ARNT2: variants seen among roughly 807,000 people sequenced by gnomAD.
The protein encoded by ARNT2 is ARNT protein 2.
Under a neutral mutation model 91.7 loss-of-function variants are expected in ARNT2, and 36 were observed. That is an observed-to-expected ratio of 0.39 (90% CI 0.30 to 0.52). ARNT2 has a LOEUF of 0.52. Among genes scored for constraint, ARNT2 ranks in the 20% least tolerant of loss-of-function variants. The probability of loss-of-function intolerance (pLI) is 0.72; values close to 1 mark genes in which losing one functional copy is unlikely to be tolerated. For synonymous variants in ARNT2, 365 were observed against 347.1 expected (o/e 1.05, Z -0.57); for missense variants, 775 against 939.3 (o/e 0.83, Z 2.29).
At chr15:80,469,227 A>G (rs142005811) in intron 3 of ARNT2, among the ~76,000 whole-genome samples, 12 of 152,208 alleles carry the variant, frequency 7.9e-5, no homozygotes, top group African/African-American at 2.9e-4. Context: ...ACATTCTACC[A>G]TCCCTTCTGC....
At position 80,591,121 on chromosome 15, in the gene ARNT2, G is replaced by A. The variant is rs977879932; in HGVS notation, c.1919-447G>A. Among the ~76,000 whole-genome samples the A allele has an allele frequency of 2.2e-4, 34 of 152,192 alleles. 1 individual carries two copies. Among genetic ancestry groups the A allele is most frequent in the Admixed American group, 2.1e-3 (32 of 15,280 alleles). On this transcript the variant is annotated intron_variant, in intron 17 of 18. Transcript: ENST00000303329. This position sits in a 1 kb window ranked among gnomAD's most constrained non-coding sequence, Gnocchi z 5.1. The stretch of plus-strand genomic sequence containing the variant: ...TCAAGAGCATTCGGTGGACCGAGAG[G>A]GAATCAGGAGCAGGGGCAGGTGTGT...
In ARNT2 at chr15:80,518,277, C is replaced by CTTTTTTTTTTTTTTTTTT. The variant is rs56726705; in HGVS notation, c.877+3877_877+3894dup. 1.8e-3 allele frequency among the ~76,000 whole-genome samples: 158 copies of CTTTTTTTTTTTTTTTTTT among 89,350 alleles called. 1 individual carries two copies. Among genetic ancestry groups the CTTTTTTTTTTTTTTTTTT allele is most frequent in the Non-Finnish European group, 2.1e-3 (103 of 49,866 alleles). 58.6% of individuals were successfully genotyped at this position (89,350 alleles called of 152,430 possible). The stretch of plus-strand genomic sequence containing the variant: ...CCGAAGAACTTTTTCTTTTTCTATT[C>CTTTTTTTTTTTTTTTTTT]TTTTTTTTTTTTTTTTTTTTTTGAG... On this transcript the variant is annotated intron_variant, in intron 8 of 18. Transcript: ENST00000303329.
chr15:80,536,734 G>A (rs1288096232), intron 8 of ARNT2, among the ~76,000 whole-genome samples: 2 of 152,140 alleles, frequency 1.3e-5, no homozygotes, highest in African/African-American at 4.8e-5. Context: ...AAGCAAAACA[G>A]GCTGTGAGTC....
At chr15:80,405,600 T>A (rs1895588163) in intron 1 of ARNT2, among the ~76,000 whole-genome samples, 1 of 152,098 alleles carries the variant, frequency 6.6e-6, no homozygotes, top group Non-Finnish European at 1.5e-5. Flanking sequence ...CTTCTGGAGA[T>A]TGGACATTTC....
At chr15:80,469,027 G>C (rs1896697069) in intron 3 of ARNT2, among the ~76,000 whole-genome samples, 1 of 152,234 alleles carries the variant, frequency 6.6e-6, no homozygotes. Flanking sequence ...AGCCCTGCCT[G>C]AGTTGTTTTT....
chr15:80,434,550 AGT>A (rs1454525356), intron 1 of ARNT2: 1 of 152,458 alleles, frequency 6.6e-6, no homozygotes, highest in Admixed American at 6.5e-5. Flanking sequence ...TGAAGGTGTG[AGT>A]GTGAGCTCAT....
At position 80,470,302 on chromosome 15, in the gene ARNT2, C is replaced by G. The variant is rs1429720179; in HGVS notation, c.279C>G (p.Cys93Trp). The change falls in exon 4 of 19, where the codon TGC (cysteine) becomes TGG (tryptophan). Residue 93 changes from cysteine to tryptophan, a missense_variant. By Grantham distance (215) the Cys-to-Trp change is radical. This residue lies in a region of ARNT2 where 83 missense variants were observed against 149.4 expected (regional missense o/e 0.56). Coordinates refer to ENST00000303329, the MANE Select transcript of ARNT2 (RefSeq NM_014862.4). The part of the protein sequence containing the change: ...ITELSDMVPT[C>W]SALARKPDKL... ...AGCTCTCCGACATGGTCCCCACATG[C>G]AGCGCACTGGCTCGGAAGCCAGACA... The G allele has an allele frequency of 6.2e-7, 1 of 1,614,210 alleles. No individual in the cohort carries two copies. Among genetic ancestry groups the G allele is most frequent in the East Asian group, 2.2e-5 (1 of 44,874 alleles).
Position 80,404,511 on chromosome 15 carries a change from G to T in ARNT2, c.-5G>T. On this transcript the variant is annotated 5_prime_UTR_variant, in exon 1 of 19. Transcript: ENST00000303329. This position sits in a 1 kb window ranked among gnomAD's most constrained non-coding sequence, Gnocchi z 5.5. ...CCAAGCGGGCGCCTATCCTCTCCGAGCAAGATGGCAACCCCGGCGGCGGTC... is the reference window on the plus strand; with the variant it reads ...CCAAGCGGGCGCCTATCCTCTCCGATCAAGATGGCAACCCCGGCGGCGGTC... The T allele has an allele frequency of 8.1e-7, 1 of 1,235,022 alleles. No individual in the cohort carries two copies. 76.5% of individuals were successfully genotyped at this position (1,235,022 alleles called of 1,614,324 possible).
rs186000730 is a variant in ARNT2, at chr15:80,561,110, G to A, written c.1165-1978G>A. On this transcript the variant is annotated intron_variant, in intron 11 of 18. Coordinates refer to ENST00000303329, the MANE Select transcript of ARNT2 (RefSeq NM_014862.4). ...TGGGGTATTCACAGGTGACCAAGAT[G>A]TCCCTGTCCCCATGCTGCATGCAGT... 2.6e-5 allele frequency among the ~76,000 whole-genome samples: 4 copies of A among 152,172 alleles called. No homozygotes were observed. In the South Asian group the frequency reaches 8.3e-4, roughly 32 times the overall value.
intron 14 of ARNT2, among the ~76,000 whole-genome samples, chr15:80,576,431 C>T (rs1435023275): frequency 6.6e-6 from 1 of 152,284 alleles, no homozygotes; most frequent in South Asian, 2.1e-4. Context: ...TGGCTGCCAC[C>T]ATGCCTGGCT....
chr15:80,594,631 A>G lies in ARNT2; in HGVS notation c.*933A>G, dbSNP rs758956518. 7.2e-5 allele frequency: 11 copies of G among 152,268 alleles called. No homozygotes were observed. Among genetic ancestry groups the G allele is most frequent in the Admixed American group, 2.0e-4 (3 of 15,276 alleles). The allele number at this position is 152,268 out of a possible 1,614,324, so 9.4% of individuals were successfully genotyped here. A position where few individuals can be genotyped will look rare whatever the true frequency, so the allele number is the denominator to read the frequency against. Reference sequence around the variant, plus strand: ...CAAGGGAGCACTCACCCTCCTCCCAATTGGATCTGAATAGCTGTGTTCCTG... The same window carrying G: ...CAAGGGAGCACTCACCCTCCTCCCAGTTGGATCTGAATAGCTGTGTTCCTG... On this transcript the variant is annotated 3_prime_UTR_variant, in exon 19 of 19. Transcript: ENST00000303329.
chr15:80,557,408 A>G lies in ARNT2; in HGVS notation c.1164+2269A>G, dbSNP rs537622262. On this transcript the variant is annotated intron_variant, in intron 11 of 18. Transcript: ENST00000303329. ...GCCCAGACTGTCCCTCCTGCTCCAC[A>G]CTTGCTTATACACCACTGGGGTAGT... 3.9e-5 allele frequency among the ~76,000 whole-genome samples: 6 copies of G among 152,060 alleles called. No individual in the cohort carries two copies. The South Asian group carries it at 1.0e-3, about 26-fold the overall frequency.
At chr15:80,574,044 G>A (rs996066618) in intron 12 of ARNT2, 104 bp from the exon 13 acceptor site, 26 of 861,426 alleles carry the variant, frequency 3.0e-5, no homozygotes, top group African/African-American at 1.5e-4. Context: ...GAGATCCATC[G>A]GATATCACCC....
intron 6 of ARNT2, among the ~76,000 whole-genome samples, chr15:80,513,399 G>A (rs1212387904): frequency 6.6e-6 from 1 of 152,204 alleles, no homozygotes; most frequent in African/African-American, 2.4e-5. Context: ...CTGTCTGGTT[G>A]TCCCTAGTGC....
At chr15:80,539,690 C>A (rs143954636) in intron 8 of ARNT2, among the ~76,000 whole-genome samples, 2 of 151,950 alleles carry the variant, frequency 1.3e-5, no homozygotes, top group African/African-American at 4.8e-5. Flanking sequence ...CATGAAAAAC[C>A]TAATCCAGTC....
chr15:80,579,048 G>A lies in ARNT2; in HGVS notation c.1614-1363G>A, dbSNP rs772814728. Among the ~76,000 whole-genome samples, 8 of 152,346 alleles carry A rather than the reference G, an allele frequency of 5.3e-5. No homozygotes were observed. In the South Asian group the frequency reaches 1.2e-3, roughly 24 times the overall value. Reference sequence around the variant, plus strand: ...CCCCTGCCTGTCCACACTAAGGCAGGCAGCTGTAGCCCAGAGGCCCCCAGG... The same window carrying A: ...CCCCTGCCTGTCCACACTAAGGCAGACAGCTGTAGCCCAGAGGCCCCCAGG... On this transcript the variant is annotated intron_variant, in intron 15 of 18. Transcript: ENST00000303329.
intron 5 of ARNT2, among the ~76,000 whole-genome samples, chr15:80,489,382 C>A (rs1174932646): frequency 6.6e-6 from 1 of 152,240 alleles, no homozygotes; most frequent in African/African-American, 2.4e-5. Flanking sequence ...TACTCCAACG[C>A]AAAGCCTCCC....
intron 12 of ARNT2, among the ~76,000 whole-genome samples, chr15:80,563,761 C>T (rs1309087339): frequency 6.6e-6 from 1 of 152,222 alleles, no homozygotes; most frequent in Non-Finnish European, 1.5e-5. Context: ...GCCCAGGGTC[C>T]GAGGATCCCA....
chr15:80,504,044 A>G (rs1234003004), intron 5 of ARNT2, among the ~76,000 whole-genome samples: 1 of 152,246 alleles, frequency 6.6e-6, no homozygotes, highest in Non-Finnish European at 1.5e-5. Context: ...TGCAGAGTGC[A>G]GCGAGGAAGG....
Sources: allele counts gnomAD v4.1 joint callset (sites outside exome capture counted in the v4.1 genomes callset), GRCh38; gene constraint gnomAD v4.1.1; regional missense constraint gnomAD v4.1.1; non-coding constraint Gnocchi (gnomAD v3.1); transcripts MANE v1.5; gene names NCBI Gene and HGNC (gene_info 2026-07-23, HGNC 2026-07-21).